The following ZNF407 variants were observed in gnomAD, a reference collection of about 807,000 sequenced individuals.
The protein encoded by ZNF407 is zinc finger protein 407.
Under a neutral mutation model 131.2 loss-of-function variants are expected in ZNF407, and 17 were observed. The ratio of observed to expected loss-of-function variants is 0.13; its 90% CI spans 0.09 to 0.19. ZNF407 has a LOEUF of 0.19. Among genes scored for constraint, ZNF407 ranks in the 10% least tolerant of loss-of-function variants. ZNF407 has a pLI of 1.00. For missense variants in ZNF407, 2,681 were observed against 2,830.6 expected (o/e 0.95, Z 1.20); for synonymous variants, 1,156 against 1,062.0 (o/e 1.09, Z -1.72).
chr18:74,890,492 T>C (rs1971369669), intron 7 of ZNF407, among the ~76,000 whole-genome samples: 1 of 152,250 alleles, frequency 6.6e-6, no homozygotes, highest in Non-Finnish European at 1.5e-5. Context: ...CATAACATTC[T>C]TTTCCATTTT....
At chr18:74,709,161 A>C (rs1215339900) in intron 3 of ZNF407, among the ~76,000 whole-genome samples, 1 of 152,234 alleles carries the variant, frequency 6.6e-6, no homozygotes, top group Non-Finnish European at 1.5e-5. Flanking sequence ...CAAATAAAAT[A>C]TCAAGTAAAT....
chr18:74,826,531 C>T (rs912436575), intron 4 of ZNF407, among the ~76,000 whole-genome samples: 24 of 152,146 alleles, frequency 1.6e-4, no homozygotes, highest in Non-Finnish European at 3.1e-4. Context: ...GGGAAATACC[C>T]ATGTCATATC....
intron 8 of ZNF407, among the ~76,000 whole-genome samples, chr18:74,971,488 C>G (rs112636742): frequency 6.6e-6 from 1 of 152,206 alleles, no homozygotes; most frequent in Non-Finnish European, 1.5e-5. Context: ...TCATTTCTCT[C>G]AAGTTCAAAG....
chr18:74,868,065 A>G (rs1377078622), intron 4 of ZNF407, among the ~76,000 whole-genome samples: 1 of 152,212 alleles, frequency 6.6e-6, no homozygotes, highest in Non-Finnish European at 1.5e-5. Flanking sequence ...AATTCATTCT[A>G]ATGCTGTGAA....
chr18:74,832,439 T>C (rs1400244284), intron 4 of ZNF407, among the ~76,000 whole-genome samples: 1 of 152,110 alleles, frequency 6.6e-6, no homozygotes, highest in East Asian at 1.9e-4. Context: ...TGATTTTTAT[T>C]TAAGTTGGTT....
At chr18:74,781,295 G>A (rs1475269686) in intron 3 of ZNF407, 133 bp from the exon 4 acceptor site, 2 of 596,422 alleles carry the variant, frequency 3.4e-6, no homozygotes, top group Non-Finnish European at 5.7e-6. Context: ...AAGCTTTGGT[G>A]TAGCAAGAGT....
intron 3 of ZNF407, among the ~76,000 whole-genome samples, chr18:74,773,003 C>T (rs764071561): frequency 2.5e-4 from 38 of 152,182 alleles, no homozygotes; most frequent in Non-Finnish European, 4.9e-4. Flanking sequence ...AGATCATTAG[C>T]GTGGAACAAT....
intron 4 of ZNF407, among the ~76,000 whole-genome samples, chr18:74,848,449 T>A (rs1416717995): frequency 6.6e-6 from 1 of 152,220 alleles, no homozygotes; most frequent in East Asian, 1.9e-4. Flanking sequence ...ATGCTTTATG[T>A]CTACATGGGC....
At chr18:74,728,295 G>C (rs1344169021) in intron 3 of ZNF407, among the ~76,000 whole-genome samples, 1 of 152,196 alleles carries the variant, frequency 6.6e-6, no homozygotes. Flanking sequence ...ATAATTCAGA[G>C]ACTGTTTCAG....
chr18:74,850,401 G>A (rs1389025876), intron 4 of ZNF407, among the ~76,000 whole-genome samples: 3 of 152,026 alleles, frequency 2.0e-5, no homozygotes, highest in Non-Finnish European at 4.4e-5. Context: ...GATGTCCAGG[G>A]TGTCATCTTA....
chr18:75,063,241 A>G lies in ZNF407; in HGVS notation c.5520A>G (p.Ala1840=), dbSNP rs747607968. ...GCCCCTTCACCGCGGCGGCCTTGGC[A>G]GAAGAGCCCCTCGTCAAGGAGAAGC... The part of the protein sequence containing the change: ...TDSPFTAAAL[A]EEPLVKEKPL... The change falls in exon 9 of 9, where the codon GCA becomes GCG. Residue 1840 remains alanine (A), a synonymous_variant. Transcript: ENST00000299687. This position sits in a 1 kb window ranked among gnomAD's most constrained non-coding sequence, Gnocchi z 6.6. The G allele has an allele frequency of 6.2e-7, 1 of 1,613,426 alleles. No individual in the cohort carries two copies. The highest frequency in any genetic ancestry group is 1.3e-5 in the African/African-American group (1 of 74,912).
intron 8 of ZNF407, among the ~76,000 whole-genome samples, chr18:74,995,647 G>A (rs1002662886): frequency 1.3e-5 from 2 of 152,048 alleles, no homozygotes; most frequent in African/African-American, 4.8e-5. Flanking sequence ...CTTTTTTAAT[G>A]AAATCATTTG....
chr18:74,959,674 C>T (rs1385613462), intron 8 of ZNF407, among the ~76,000 whole-genome samples: 1 of 152,220 alleles, frequency 6.6e-6, no homozygotes, highest in Non-Finnish European at 1.5e-5. Context: ...CTTCCCAGCA[C>T]ACTTCTACTT....
At chr18:74,753,910 G>A (rs1041622642) in intron 3 of ZNF407, among the ~76,000 whole-genome samples, 1 of 152,126 alleles carries the variant, frequency 6.6e-6, no homozygotes, top group Non-Finnish European at 1.5e-5. Flanking sequence ...TCTATTGATT[G>A]GAATGGTTTC....
Position 74,703,084 on chromosome 18 carries a change from C to CTGA in ZNF407, c.4802+61965_4802+61967dup, listed in dbSNP as rs1301141717. 6.6e-6 allele frequency among the ~76,000 whole-genome samples: 1 copy of CTGA among 152,214 alleles called. No homozygotes were observed. The highest frequency in any genetic ancestry group is 2.4e-5 in the African/African-American group (1 of 41,456). ...CCTGGTCTAGTGGTTGGAGAAACTC[C>CTGA]TGATGGAGGTGGAGCAGTTGCAGGG... is the stretch of plus-strand genomic sequence containing the variant. On this transcript the variant is annotated intron_variant, in intron 3 of 8. Coordinates refer to ENST00000299687, the MANE Select transcript of ZNF407 (RefSeq NM_017757.3). The surrounding 1 kb of genome is among the most constrained non-coding windows in gnomAD (Gnocchi z 4.1).
chr18:74,646,435 A>G (rs1419913235), intron 3 of ZNF407, among the ~76,000 whole-genome samples: 1 of 152,222 alleles, frequency 6.6e-6, no homozygotes, highest in African/African-American at 2.4e-5. Context: ...GATTAACATT[A>G]AAATGCTCTC....
At chr18:75,060,203 T>C (rs1289716998) in intron 8 of ZNF407, 1 of 152,242 alleles carries the variant, frequency 6.6e-6, no homozygotes, top group African/African-American at 2.4e-5. Context: ...TTGTTCTCTG[T>C]CCTTGGTCGG....
Position 74,955,086 on chromosome 18 carries a change from G to A in ZNF407, c.5428+34394G>A, listed in dbSNP as rs115540566. Among the ~76,000 whole-genome samples the A allele has an allele frequency of 9.3e-3, 1,353 of 145,506 alleles. 21 individuals carry two copies. Among genetic ancestry groups the A allele is most frequent in the African/African-American group, 0.031 (1,222 of 39,290 alleles). On this transcript the variant is annotated intron_variant, in intron 8 of 8. Transcript: ENST00000299687. ...CTCATGAAGTCAGTGTTTGAGGGGA[G>A]AGGAAGGAGTGAGTGAATCCAGTTA...
chr18:74,627,143 G>A (rs980817780), intron 1 of ZNF407, among the ~76,000 whole-genome samples: 7 of 152,148 alleles, frequency 4.6e-5, no homozygotes, highest in Admixed American at 4.6e-4. Context: ...TGCTTCGTAG[G>A]TTTCATTTAC....
Sources: gnomAD v4.1 joint callset for allele counts (sites outside exome capture counted in the v4.1 genomes callset) on GRCh38, gnomAD v4.1.1 for gene constraint, Gnocchi (gnomAD v3.1) non-coding constraint, MANE v1.5 for transcripts, NCBI Gene and HGNC (gene_info 2026-07-23, HGNC 2026-07-21) for gene names.